Variants in SLC2A12 observed in about 807,000 individuals in gnomAD.
The protein encoded by SLC2A12 is solute carrier family 2, facilitated glucose transporter member 12.
SLC2A12 carries 23 observed loss-of-function variants against 41.8 expected under a neutral mutation model. The ratio of observed to expected loss-of-function variants is 0.55; its 90% CI spans 0.40 to 0.78. The LOEUF is 0.78. SLC2A12 is among the 30% of genes least tolerant of loss of function. SLC2A12 has a pLI of 0.00. For missense variants in SLC2A12, 654 were observed against 745.6 expected, an observed-to-expected ratio of 0.88 and a Z score of 1.43; for synonymous variants, 295 against 285.9, an observed-to-expected ratio of 1.03 and a Z score of -0.32.
intron 2 of SLC2A12, among the ~76,000 whole-genome samples, chr6:134,008,811 C>T (rs534315266): frequency 2.6e-4 from 39 of 152,270 alleles, no homozygotes; most frequent in Admixed American, 4.6e-4. Flanking sequence ...CATGGGTATT[C>T]GATGCTGGCC....
intron 1 of SLC2A12, among the ~76,000 whole-genome samples, chr6:134,037,580 C>T (rs1276774915): frequency 6.6e-6 from 1 of 152,112 alleles, no homozygotes; most frequent in African/African-American, 2.4e-5. Flanking sequence ...GTCTCGATCT[C>T]GTGACCCCGT....
Position 133,995,147 on chromosome 6 carries a change from A to G in SLC2A12, c.1701-3839T>C, listed in dbSNP as rs374684323. 5.9e-5 allele frequency among the ~76,000 whole-genome samples: 9 copies of G among 152,372 alleles called. No homozygotes were observed. The East Asian group carries it at 1.2e-3, about 20-fold the overall frequency. On this transcript the variant is annotated intron_variant, in intron 4 of 4. Coordinates refer to ENST00000275230, the MANE Select transcript of SLC2A12 (RefSeq NM_145176.3). ...ACGCTTTAGAAAAACTTGGCTATAC[A>G]TAGTACCCAAGAAATAGGGCAAAAG...
intron 1 of SLC2A12, among the ~76,000 whole-genome samples, chr6:134,051,923 T>C (rs1000549499): frequency 5.9e-5 from 9 of 152,212 alleles, no homozygotes; most frequent in African/African-American, 1.9e-4. Flanking sequence ...AAACAGTGGT[T>C]ATAATGTCAA....
chr6:134,004,364 T>C (rs1443537637), intron 3 of SLC2A12, among the ~76,000 whole-genome samples: 1 of 152,132 alleles, frequency 6.6e-6, no homozygotes, highest in Non-Finnish European at 1.5e-5. Context: ...CATTTGAAAA[T>C]TTTATATAAA....
intron 2 of SLC2A12, among the ~76,000 whole-genome samples, chr6:134,022,558 G>GAAA (rs1167920170): frequency 3.7e-5 from 3 of 81,244 alleles, no homozygotes; most frequent in Admixed American, 3.6e-4. Context: ...GAAAAGAAAA[G>GAAA]AAAAGAAAAG....
At chr6:134,038,079 C>T (rs182958885) in intron 1 of SLC2A12, among the ~76,000 whole-genome samples, 32 of 152,164 alleles carry the variant, frequency 2.1e-4, no homozygotes, top group African/African-American at 7.7e-4. Context: ...GAACTTTGGC[C>T]TCTCTCAACA....
chr6:133,996,403 T>C (rs1232511278), intron 4 of SLC2A12, among the ~76,000 whole-genome samples: 1 of 151,876 alleles, frequency 6.6e-6, no homozygotes, highest in Non-Finnish European at 1.5e-5. Flanking sequence ...TAAAATCTTT[T>C]CAAATTACAT....
intron 1 of SLC2A12, among the ~76,000 whole-genome samples, chr6:134,030,313 G>A (rs1777185882): frequency 6.6e-6 from 1 of 152,156 alleles, no homozygotes; most frequent in South Asian, 2.1e-4. Flanking sequence ...GGGTGGAGGT[G>A]GGAGTGGGCA....
chr6:133,994,602 C>T (rs1303128217), intron 4 of SLC2A12, among the ~76,000 whole-genome samples: 5 of 152,104 alleles, frequency 3.3e-5, no homozygotes, highest in African/African-American at 1.2e-4. Context: ...GTGGCGGGCA[C>T]CTGTAGTCCC....
rs756347461 is a variant in SLC2A12 at position 134,052,517 on chromosome 6, A to G, written c.-37T>C. 6.4e-7 allele frequency: 1 copy of G among 1,556,534 alleles called. No homozygotes were observed. On this transcript the variant is annotated 5_prime_UTR_variant, in exon 1 of 5. Coordinates refer to ENST00000275230, the MANE Select transcript of SLC2A12 (RefSeq NM_145176.3). ...AGTTACAGCCGCTTCCCCGCCACCA[A>G]ACCGCCCCGACCACCCCCGCTCCCA...
intron 4 of SLC2A12, among the ~76,000 whole-genome samples, chr6:133,998,542 T>TTG: frequency 6.6e-6 from 1 of 152,296 alleles, no homozygotes; most frequent in South Asian, 2.1e-4. Context: ...ATTTTACTTT[T>TTG]TGTGTGTGTG....
At chr6:134,008,654 T>G (rs985058970) in intron 2 of SLC2A12, among the ~76,000 whole-genome samples, 1 of 152,238 alleles carries the variant, frequency 6.6e-6, no homozygotes, top group Non-Finnish European at 1.5e-5. Flanking sequence ...AAGATCCAGC[T>G]CTGAGTAGAC....
Position 134,028,466 on chromosome 6 carries a change from AG to A in SLC2A12, c.1358del (p.Pro453LeufsTer8). The A allele has an allele frequency of 6.2e-7, 1 of 1,614,220 alleles. No homozygotes were observed. The highest frequency in any genetic ancestry group is 8.5e-7 in the Non-Finnish European group (1 of 1,180,024). On this transcript the variant is annotated frameshift_variant, in exon 2 of 5. Coordinates refer to ENST00000275230, the MANE Select transcript of SLC2A12 (RefSeq NM_145176.3). LOFTEE classifies it high-confidence loss of function. ...SHTEYQIVTD[P>X]GDVPAFLKWL... ...ATTTCAAAAAAGCTGGGACGTCCCC[AG>A]GGTCTGTGACTATCTGGTATTCAGT...
rs55702666 is a variant in SLC2A12 at position 134,052,250 on chromosome 6, TACACACACAC to T, written c.103+118_103+127del. ...GCGCGCCCACATGCGCGCGCGCGCA[TACACACACAC>T]ACACACACACACACACACACACACA... On this transcript the variant is annotated intron_variant, in intron 1 of 4. Coordinates refer to ENST00000275230, the MANE Select transcript of SLC2A12 (RefSeq NM_145176.3). 3.4e-3 allele frequency: 1,262 copies of T among 371,364 alleles called. 6 individuals carry two copies. Among genetic ancestry groups the T allele is most frequent in the African/African-American group, 0.022 (863 of 39,128 alleles). The allele number at this position is 371,364 out of a possible 1,614,324, so 23.0% of individuals were successfully genotyped here.
At chr6:134,030,815 G>T (rs1008529947) in intron 1 of SLC2A12, among the ~76,000 whole-genome samples, 1 of 152,180 alleles carries the variant, frequency 6.6e-6, no homozygotes, top group African/African-American at 2.4e-5. Context: ...GGGCCTTGTC[G>T]GTCACAGTGA....
intron 2 of SLC2A12, among the ~76,000 whole-genome samples, chr6:134,018,303 A>T (rs939944319): frequency 3.4e-4 from 51 of 152,152 alleles, no homozygotes; most frequent in Admixed American, 1.2e-3. Context: ...AGATTCCTTC[A>T]TTTAACTCGA....
intron 2 of SLC2A12, among the ~76,000 whole-genome samples, chr6:134,014,628 C>T (rs1372930260): frequency 6.6e-6 from 1 of 152,176 alleles, no homozygotes; most frequent in Non-Finnish European, 1.5e-5. Flanking sequence ...ATCCTTAACA[C>T]TGAGTCATGG....
chr6:134,003,455 C>T (rs1044345735), intron 3 of SLC2A12, among the ~76,000 whole-genome samples: 1 of 152,160 alleles, frequency 6.6e-6, no homozygotes, highest in African/African-American at 2.4e-5. Context: ...CACCATTTCA[C>T]GAAGCCTCTT....
At chr6:134,034,736 G>T (rs1777268965) in intron 1 of SLC2A12, among the ~76,000 whole-genome samples, 1 of 152,200 alleles carries the variant, frequency 6.6e-6, no homozygotes, top group African/African-American at 2.4e-5. Flanking sequence ...GAGAGTTTGG[G>T]CAGCCACGTG....
Sources: gnomAD v4.1 joint callset for allele counts (sites outside exome capture counted in the v4.1 genomes callset) on GRCh38, gnomAD v4.1.1 for gene constraint, MANE v1.5 for transcripts, NCBI Gene and HGNC (gene_info 2026-07-23, HGNC 2026-07-21) for gene names.